DRC10: variants seen among roughly 807,000 people sequenced by gnomAD.
DRC10 encodes the protein IQ domain-containing protein D.
the DRC10 span, chr12:113,220,901 G>C: frequency 3.7e-6 from 1 of 268,796 alleles, no homozygotes; most frequent in African/African-American, 2.2e-5. Context: ...AGATCGCAGC[G>C]GGGGCTTCTA....
the DRC10 span, among the ~76,000 whole-genome samples, chr12:113,211,905 TA>T: frequency 6.8e-6 from 1 of 148,028 alleles, no homozygotes. Context: ...TACAAAAAGT[TA>T]AAAAAAAAAT....
the DRC10 span, among the ~76,000 whole-genome samples, chr12:113,209,121 A>G: frequency 6.8e-6 from 1 of 147,828 alleles, no homozygotes; most frequent in Non-Finnish European, 1.5e-5. Context: ...TAGTAGAGAC[A>G]GGGTTTTGCC....
chr12:113,199,733 T>TA, the DRC10 span, among the ~76,000 whole-genome samples: 2 of 152,002 alleles, frequency 1.3e-5, no homozygotes, highest in African/African-American at 4.8e-5. Context: ...TTTTTTTTTT[T>TA]AAGAGGCAAG....
chr12:113,212,041 G>C, the DRC10 span, among the ~76,000 whole-genome samples: 1 of 151,880 alleles, frequency 6.6e-6, no homozygotes, highest in African/African-American at 2.4e-5. Context: ...CTCCAGCCTG[G>C]GTGACAGAGC....
the DRC10 span, chr12:113,200,267 C>G: frequency 2.7e-5 from 14 of 520,900 alleles, no homozygotes; most frequent in Admixed American, 9.7e-5. Context: ...GGGTATTATC[C>G]CTGTGGGGTC....
the DRC10 span, among the ~76,000 whole-genome samples, chr12:113,204,230 G>A: frequency 6.6e-6 from 1 of 152,250 alleles, no homozygotes; most frequent in Non-Finnish European, 1.5e-5. Context: ...GCAAGATCTT[G>A]TCTCTAAAAC....
chr12:113,207,663 G>A, the DRC10 span: 142 of 1,613,948 alleles, frequency 8.8e-5, no homozygotes, highest in Non-Finnish European at 1.1e-4. Flanking sequence ...GCATCTGCAG[G>A]AGCCTAGCAG....
At chr12:113,205,425 C>T in the DRC10 span, among the ~76,000 whole-genome samples, 31 of 151,888 alleles carry the variant, frequency 2.0e-4, no homozygotes, top group African/African-American at 3.1e-4. Flanking sequence ...CCCAGAGACT[C>T]GGGAGGCTGA....
At chr12:113,204,783 G>A in the DRC10 span, among the ~76,000 whole-genome samples, 2 of 152,116 alleles carry the variant, frequency 1.3e-5, no homozygotes, top group Non-Finnish European at 2.9e-5. Flanking sequence ...ACAAAAATTA[G>A]CCAGGCGTGG....
the DRC10 span, chr12:113,207,559 A>G: frequency 6.2e-7 from 1 of 1,614,046 alleles, no homozygotes; most frequent in Middle Eastern, 1.6e-4. Flanking sequence ...CCTCGCTTCC[A>G]TGGGACTAGT....
At chr12:113,205,402 G>A in the DRC10 span, among the ~76,000 whole-genome samples, 5 of 151,832 alleles carry the variant, frequency 3.3e-5, no homozygotes, top group East Asian at 1.9e-4. Flanking sequence ...GCATTGTGGC[G>A]GGCACCTGTA....
the DRC10 span, among the ~76,000 whole-genome samples, chr12:113,196,617 A>T: frequency 6.6e-6 from 1 of 152,168 alleles, no homozygotes; most frequent in Non-Finnish European, 1.5e-5. Context: ...CCAGGCCCTG[A>T]TGGTTGCCCA....
At chr12:113,210,613 A>AAAAAAAG in the DRC10 span, among the ~76,000 whole-genome samples, 3 of 92,048 alleles carry the variant, frequency 3.3e-5, no homozygotes, top group Non-Finnish European at 7.2e-5. Flanking sequence ...AGAAAAAAAG[A>AAAAAAAG]AAAAAAAAAA....
the DRC10 span, among the ~76,000 whole-genome samples, chr12:113,219,871 C>T: frequency 6.6e-6 from 1 of 152,106 alleles, no homozygotes. Flanking sequence ...TGCAGTGGCA[C>T]GATCTCGGCT....
chr12:113,214,275 G>A, the DRC10 span, among the ~76,000 whole-genome samples: 2 of 151,924 alleles, frequency 1.3e-5, no homozygotes, highest in African/African-American at 2.4e-5. Context: ...GTGGGAGGCC[G>A]AGGCAGGTGG....
At chr12:113,201,381 G>T in the DRC10 span, among the ~76,000 whole-genome samples, 2 of 152,214 alleles carry the variant, frequency 1.3e-5, no homozygotes, top group Non-Finnish European at 2.9e-5. Flanking sequence ...CTGACCTTGA[G>T]CCCACGTTCT....
chr12:113,201,965 A>G, the DRC10 span, among the ~76,000 whole-genome samples: 1 of 152,210 alleles, frequency 6.6e-6, no homozygotes, highest in Non-Finnish European at 1.5e-5. Flanking sequence ...GTTCAATGAC[A>G]TGAAATTTGC....
the DRC10 span, among the ~76,000 whole-genome samples, chr12:113,205,780 T>TC: frequency 1.9e-4 from 28 of 149,784 alleles, no homozygotes; most frequent in Non-Finnish European, 3.7e-4. Flanking sequence ...TCCCAGCTAC[T>TC]CGGGAGGCTG....
chr12:113,208,733 G>A, the DRC10 span, among the ~76,000 whole-genome samples: 1 of 152,054 alleles, frequency 6.6e-6, no homozygotes, highest in Non-Finnish European at 1.5e-5. Flanking sequence ...GAAGGGTGGC[G>A]GTGGGGGAGG....
Sources: gnomAD v4.1 joint callset for allele counts (sites outside exome capture counted in the v4.1 genomes callset) on GRCh38, gnomAD v4.1.1 for gene constraint, MANE v1.5 for transcripts, NCBI Gene and HGNC (gene_info 2026-07-23, HGNC 2026-07-21) for gene names.